ATG10: variants seen among roughly 807,000 people sequenced by gnomAD.
ATG10 encodes the protein autophagy related 10.
Under a neutral mutation model 32.1 loss-of-function variants are expected in ATG10, and 30 were observed. The ratio of observed to expected loss-of-function variants is 0.94; its 90% CI spans 0.70 to 1.27. The LOEUF is 1.27. ATG10 is among the 50% of genes most tolerant of loss of function. The pLI is 0.00. For synonymous variants in ATG10, 87 were observed against 91.5 expected (o/e 0.95, Z 0.28); for missense variants, 233 against 262.3 (o/e 0.89, Z 0.77).
At chr5:82,224,980 GAAATT>G (rs1746064669) in intron 5 of ATG10, among the ~76,000 whole-genome samples, 1 of 152,164 alleles carries the variant, frequency 6.6e-6, no homozygotes, top group Non-Finnish European at 1.5e-5. Context: ...CATGAATGCT[GAAATT>G]AAATTAGTTT....
intron 3 of ATG10, among the ~76,000 whole-genome samples, chr5:82,141,630 C>A (rs940500611): frequency 3.3e-5 from 5 of 151,440 alleles, no homozygotes; most frequent in African/African-American, 1.2e-4. Flanking sequence ...GAGATGCCAA[C>A]AAATATAGCT....
Position 82,253,375 on chromosome 5 carries a change from C to G in ATG10, c.613C>G (p.Pro205Ala). The G allele has an allele frequency of 6.2e-7, 1 of 1,613,168 alleles. No individual in the cohort carries two copies. Among genetic ancestry groups the G allele is most frequent in the Middle Eastern group, 1.7e-4 (1 of 6,060 alleles). Residue 205 changes from proline to alanine, a missense_variant, in exon 7 of 8, where the codon CCT (proline) becomes GCT (alanine). Pro to Ala is a conservative substitution (Grantham distance 27). Coordinates refer to ENST00000282185, the MANE Select transcript of ATG10 (RefSeq NM_031482.5). The part of the protein sequence containing the change: ...IVGPVVGLNL[P>A]LSYAKATSQD... ...AGGGCCAGTTGTTGGGCTGAATCTA[C>G]CTCTGAGTTATGCCAAAGCAACGTC...
chr5:82,172,931 G>A (rs1328826065), intron 4 of ATG10, among the ~76,000 whole-genome samples: 1 of 152,166 alleles, frequency 6.6e-6, no homozygotes, highest in Non-Finnish European at 1.5e-5. Flanking sequence ...TCTCACTGAA[G>A]CAAAAATGAA....
intron 2 of ATG10, among the ~76,000 whole-genome samples, chr5:81,993,993 C>T (rs1245208037): frequency 1.3e-5 from 2 of 152,166 alleles, no homozygotes. Flanking sequence ...TGTTTACCAT[C>T]TTTTCTTTGG....
intron 4 of ATG10, among the ~76,000 whole-genome samples, chr5:82,167,048 A>G (rs562121318): frequency 6.6e-6 from 1 of 152,226 alleles, no homozygotes; most frequent in South Asian, 2.1e-4. Context: ...TTCAGAAGAA[A>G]TCTTTACTCT....
At chr5:82,016,085 T>A (rs1475707397) in intron 2 of ATG10, among the ~76,000 whole-genome samples, 1 of 152,236 alleles carries the variant, frequency 6.6e-6, no homozygotes, top group African/African-American at 2.4e-5. Context: ...ATAAGCTTTT[T>A]AAATTGTCTC....
In ATG10 at chr5:82,232,768, T is replaced by C. The variant is rs1002611615; in HGVS notation, c.454-19794T>C. Among the ~76,000 whole-genome samples, 4 of 152,220 alleles carry C rather than the reference T, an allele frequency of 2.6e-5. 1 individual carries two copies. In the South Asian group the frequency reaches 6.2e-4, roughly 24 times the overall value. Reference sequence around the variant, plus strand: ...TCTCCACCCAGCAGCCAACATTTTTTTTTAAGTGAATAACAGATTCTGTCA... The same window carrying C: ...TCTCCACCCAGCAGCCAACATTTTTCTTTAAGTGAATAACAGATTCTGTCA... On this transcript the variant is annotated intron_variant, in intron 5 of 7. Coordinates refer to ENST00000282185, the MANE Select transcript of ATG10 (RefSeq NM_031482.5).
chr5:82,019,023 G>A (rs1169061699), intron 2 of ATG10, among the ~76,000 whole-genome samples: 4 of 152,116 alleles, frequency 2.6e-5, no homozygotes, highest in African/African-American at 9.7e-5. Context: ...GAATATCTCT[G>A]AGTATATAGT....
intron 2 of ATG10, among the ~76,000 whole-genome samples, chr5:82,011,466 A>G (rs1276121404): frequency 6.6e-6 from 1 of 152,126 alleles, no homozygotes; most frequent in African/African-American, 2.4e-5. Context: ...ATAAAATGCA[A>G]TTCCACTCCA....
chr5:82,168,030 T>A (rs1353290907), intron 4 of ATG10, among the ~76,000 whole-genome samples: 1 of 152,100 alleles, frequency 6.6e-6, no homozygotes, highest in Non-Finnish European at 1.5e-5. Flanking sequence ...GTTTAGTAAA[T>A]CCACTCCCAC....
intron 5 of ATG10, among the ~76,000 whole-genome samples, chr5:82,236,150 G>A (rs1746543085): frequency 6.6e-6 from 1 of 152,026 alleles, no homozygotes; most frequent in Non-Finnish European, 1.5e-5. Flanking sequence ...TGGCTGGGGT[G>A]GGTTGTTCAG....
At chr5:82,006,756 A>G (rs111624675) in intron 2 of ATG10, among the ~76,000 whole-genome samples, 97 of 152,324 alleles carry the variant, frequency 6.4e-4, no homozygotes, top group Non-Finnish European at 1.2e-3. Context: ...AAACTCCAGA[A>G]TCCCCACAGC....
chr5:82,009,180 A>G (rs1457523711), intron 2 of ATG10, among the ~76,000 whole-genome samples: 1 of 152,170 alleles, frequency 6.6e-6, no homozygotes, highest in Non-Finnish European at 1.5e-5. Context: ...AGTGTAGTGG[A>G]CACTGCTGAT....
At chr5:82,175,097 A>G (rs574889994) in intron 4 of ATG10, among the ~76,000 whole-genome samples, 22 of 152,262 alleles carry the variant, frequency 1.4e-4, no homozygotes, top group Middle Eastern at 3.4e-3. Context: ...CAATTTTTCC[A>G]TTGGTTTCCT....
intron 5 of ATG10, among the ~76,000 whole-genome samples, chr5:82,196,118 T>A (rs1229261738): frequency 2.0e-5 from 3 of 152,224 alleles, no homozygotes; most frequent in African/African-American, 7.2e-5. Flanking sequence ...TGGTTTTGAT[T>A]TGCACTTAGC....
At chr5:82,197,450 ATCTG>A (rs1033279199) in intron 5 of ATG10, among the ~76,000 whole-genome samples, 2 of 133,268 alleles carry the variant, frequency 1.5e-5, no homozygotes, top group African/African-American at 6.1e-5. Flanking sequence ...CTATCTATCT[ATCTG>A]TCTATCTACC....
At chr5:82,128,761 C>T (rs1766387338) in intron 3 of ATG10, among the ~76,000 whole-genome samples, 1 of 147,316 alleles carries the variant, frequency 6.8e-6, no homozygotes, top group African/African-American at 2.5e-5. Flanking sequence ...TTGTGGGTAA[C>T]CCGACCTTTC....
intron 3 of ATG10, among the ~76,000 whole-genome samples, chr5:82,072,874 A>G (rs1017304041): frequency 2.0e-5 from 3 of 152,196 alleles, no homozygotes; most frequent in African/African-American, 7.2e-5. Flanking sequence ...GGATAATTAC[A>G]TAATTAGTGA....
chr5:82,045,173 G>T (rs539964784), intron 2 of ATG10, among the ~76,000 whole-genome samples: 1 of 151,988 alleles, frequency 6.6e-6, no homozygotes, highest in South Asian at 2.1e-4. Context: ...TTTTATGTTT[G>T]GTTTTCTAGT....
Sources: gnomAD v4.1 joint callset for allele counts (sites outside exome capture counted in the v4.1 genomes callset) on GRCh38, gnomAD v4.1.1 for gene constraint, MANE v1.5 for transcripts, NCBI Gene and HGNC (gene_info 2026-07-23, HGNC 2026-07-21) for gene names.